The following MMP15 variants were observed in gnomAD, a reference collection of about 807,000 sequenced individuals.
MMP15 encodes matrix metalloproteinase-15.
A neutral mutation model predicts 65.0 loss-of-function variants in MMP15; 36 were observed. That is an observed-to-expected ratio of 0.55 (90% CI 0.42 to 0.73). MMP15 has a LOEUF of 0.73. MMP15 is among the 30% of genes least tolerant of loss of function. The probability of loss-of-function intolerance (pLI) is 0.00; values close to 1 mark genes in which losing one functional copy is unlikely to be tolerated. For synonymous variants in MMP15, 428 were observed against 410.2 expected (o/e 1.04, Z -0.52); for missense variants, 870 against 987.8 (o/e 0.88, Z 1.60).
intron 1 of MMP15, among the ~76,000 whole-genome samples, chr16:58,031,853 C>CTTTT (rs749779284): frequency 0.011 from 640 of 57,754 alleles, 146 homozygotes; most frequent in African/African-American, 0.048. Context: ...TCGATGCCGC[C>CTTTT]TTTTTTTTTT....
intron 6 of MMP15, 123 bp from the exon 7 acceptor site, chr16:58,042,108 C>A: frequency 7.8e-7 from 1 of 1,288,296 alleles, no homozygotes; most frequent in Non-Finnish European, 1.1e-6. Flanking sequence ...CACTGCCTGC[C>A]TCAGTATCTC....
chr16:58,031,330 A>G (rs764203095), intron 1 of MMP15, among the ~76,000 whole-genome samples: 6 of 152,186 alleles, frequency 3.9e-5, no homozygotes, highest in Non-Finnish European at 7.3e-5. Context: ...CAGGTGGGAA[A>G]GAGGTTTCTG....
At chr16:58,034,395 T>G (rs900047917) in intron 1 of MMP15, among the ~76,000 whole-genome samples, 1 of 148,984 alleles carries the variant, frequency 6.7e-6, no homozygotes, top group Non-Finnish European at 1.5e-5. Context: ...CCCTCCTGTG[T>G]TCCCCTGAGC....
chr16:58,037,733 C>T, intron 2 of MMP15, 113 bp downstream of exon 2: 1 of 1,460,830 alleles, frequency 6.8e-7, no homozygotes, highest in Admixed American at 2.1e-5. Context: ...ATAAGAGATG[C>T]CAAATGGTTT....
chr16:58,041,543 G>T (rs1473283206), intron 5 of MMP15, 74 bp from the exon 6 acceptor site: 1 of 1,529,468 alleles, frequency 6.5e-7, no homozygotes, highest in Non-Finnish European at 8.8e-7. Flanking sequence ...GGGTGGGCCT[G>T]TGCTGGGGGC....
chr16:58,036,340 A>T (rs189698114), intron 1 of MMP15, among the ~76,000 whole-genome samples: 31 of 152,286 alleles, frequency 2.0e-4, no homozygotes, highest in Admixed American at 1.0e-3. Flanking sequence ...TGGCCGTGCA[A>T]CCTGTGGGGT....
chr16:58,038,628 A>C (rs1959384671), intron 3 of MMP15, among the ~76,000 whole-genome samples: 2 of 152,180 alleles, frequency 1.3e-5, no homozygotes, highest in Admixed American at 1.3e-4. Context: ...GGCTGGCCTC[A>C]CTGGGCACAG....
chr16:58,031,927 G>A (rs560497638), intron 1 of MMP15, among the ~76,000 whole-genome samples: 54 of 143,954 alleles, frequency 3.8e-4, no homozygotes, highest in Non-Finnish European at 6.7e-4. Flanking sequence ...GAGTGCAGTG[G>A]CGTGATCTCG....
At chr16:58,041,936 A>G in intron 6 of MMP15, 66 bp downstream of exon 6, 1 of 1,496,672 alleles carries the variant, frequency 6.7e-7, no homozygotes, top group Non-Finnish European at 8.9e-7. Context: ...CCCCTGTCCC[A>G]CCCTCACTCA....
At chr16:58,033,984 G>A (rs1046466397) in intron 1 of MMP15, among the ~76,000 whole-genome samples, 15 of 152,248 alleles carry the variant, frequency 9.9e-5, no homozygotes, top group African/African-American at 3.6e-4. Flanking sequence ...GCAGAAGGGA[G>A]GGGCCCTCAT....
intron 1 of MMP15, among the ~76,000 whole-genome samples, chr16:58,028,264 C>T (rs910053250): frequency 6.6e-5 from 10 of 152,202 alleles, no homozygotes; most frequent in African/African-American, 1.9e-4. Context: ...GCCATGGTTG[C>T]GTTATCACAA....
intron 5 of MMP15, 26 bp downstream of exon 5, chr16:58,040,724 C>G (rs1959436099): frequency 2.1e-5 from 34 of 1,613,638 alleles, no homozygotes; most frequent in Non-Finnish European, 2.8e-5. Flanking sequence ...CCAGCGGGCT[C>G]TGCATGCCGC....
chr16:58,031,884 T>TG (rs1963893607), intron 1 of MMP15, among the ~76,000 whole-genome samples: 1 of 110,218 alleles, frequency 9.1e-6, no homozygotes, highest in East Asian at 2.7e-4. Context: ...TTTTTTTTTT[T>TG]GAGACAGAGT....
intron 9 of MMP15, among the ~76,000 whole-genome samples, 160 bp from the exon 10 acceptor site, chr16:58,044,847 G>C (rs1356975947): frequency 6.6e-6 from 1 of 152,234 alleles, no homozygotes; most frequent in East Asian, 1.9e-4. Flanking sequence ...CTGAGCCTCA[G>C]TCTGGCTCCT....
chr16:58,027,206 C>T (rs1251469725), intron 1 of MMP15, among the ~76,000 whole-genome samples: 1 of 152,212 alleles, frequency 6.6e-6, no homozygotes, highest in Non-Finnish European at 1.5e-5. Flanking sequence ...ACGTCGAAGC[C>T]CTGGATTCGA....
chr16:58,039,929 C>T lies in MMP15; in HGVS notation c.495C>T (p.Arg165=), dbSNP rs781132624. ...GGTACCACTCGATGGAGGCGGTGCG[C>T]AGGGCCTTCCGCGTGTGGGAGCAGG... is the stretch of plus-strand genomic sequence containing the variant. ...LGWYHSMEAV[R]RAFRVWEQAT... The change falls in exon 4 of 10, where the codon CGC becomes CGT. Residue 165 remains arginine, a synonymous_variant. Transcript: ENST00000219271. 21 of 1,612,502 alleles carry T rather than the reference C, an allele frequency of 1.3e-5. No homozygotes were observed. The highest frequency in any genetic ancestry group is 1.7e-5 in the Non-Finnish European group (20 of 1,179,156).
intron 2 of MMP15, 49 bp downstream of exon 2, chr16:58,037,669 G>A (rs1315544138): frequency 1.2e-6 from 2 of 1,612,284 alleles, no homozygotes; most frequent in Admixed American, 1.7e-5. Flanking sequence ...CCTTCCATCT[G>A]GCCTGCTCTC....
chr16:58,042,395 T>C, intron 7 of MMP15, 26 bp downstream of exon 7: 5 of 1,611,380 alleles, frequency 3.1e-6, no homozygotes, highest in Non-Finnish European at 4.2e-6. Flanking sequence ...GTTAGAGGGT[T>C]GGGCACGCCT....
At chr16:58,040,290 C>A in intron 4 of MMP15, 108 bp downstream of exon 4, 1 of 1,225,478 alleles carries the variant, frequency 8.2e-7, no homozygotes, top group Non-Finnish European at 1.1e-6. Flanking sequence ...GAGAGAGTTC[C>A]CCTGTGTTTG....
Sources: allele counts gnomAD v4.1 joint callset (sites outside exome capture counted in the v4.1 genomes callset), GRCh38; gene constraint gnomAD v4.1.1; transcripts MANE v1.5; gene names NCBI Gene and HGNC (gene_info 2026-07-23, HGNC 2026-07-21).